The following CNTN5 variants were observed in gnomAD, a reference collection of about 807,000 sequenced individuals.
CNTN5 encodes contactin 5.
A neutral mutation model predicts 129.1 loss-of-function variants in CNTN5; 77 were observed. The ratio of observed to expected loss-of-function variants is 0.60; its 90% CI spans 0.50 to 0.72. The LOEUF is 0.72. Among genes scored for constraint, CNTN5 ranks in the 30% least tolerant of loss-of-function variants. The pLI, the probability that CNTN5 is intolerant of heterozygous loss-of-function variation, is 0.00. For missense variants in CNTN5, 1,478 were observed against 1,328.8 expected, an observed-to-expected ratio of 1.11 and a Z score of -1.75; for synonymous variants, 509 against 465.6, an observed-to-expected ratio of 1.09 and a Z score of -1.20.
intron 2 of CNTN5, among the ~76,000 whole-genome samples, chr11:99,360,337 C>T (rs910405982): frequency 1.3e-5 from 2 of 152,146 alleles, no homozygotes; most frequent in African/African-American, 4.8e-5. Flanking sequence ...AGGAGCAGTT[C>T]TCCCTCTTGA....
chr11:99,348,342 CA>C (rs1292807602), intron 2 of CNTN5, among the ~76,000 whole-genome samples: 1 of 151,976 alleles, frequency 6.6e-6, no homozygotes, highest in Non-Finnish European at 1.5e-5. Context: ...CCGTCCCCCC[CA>C]AAAAAATACA....
intron 1 of CNTN5, among the ~76,000 whole-genome samples, chr11:99,294,931 T>C (rs1864319074): frequency 6.6e-6 from 1 of 152,194 alleles, no homozygotes; most frequent in Admixed American, 6.5e-5. Context: ...CATGAGATTG[T>C]GACCGTAACT....
intron 13 of CNTN5, among the ~76,000 whole-genome samples, chr11:100,110,934 T>C (rs185158505): frequency 2.0e-5 from 3 of 152,144 alleles, no homozygotes; most frequent in East Asian, 1.9e-4. Flanking sequence ...GTGCAGTCCA[T>C]TGAGTATTGA....
intron 3 of CNTN5, among the ~76,000 whole-genome samples, chr11:99,697,049 G>A (rs1304689644): frequency 1.3e-5 from 2 of 151,848 alleles, no homozygotes; most frequent in Non-Finnish European, 2.9e-5. Flanking sequence ...CCAAAGCTGG[G>A]ACAATTTGAG....
At chr11:99,298,613 C>T (rs1254944459) in intron 1 of CNTN5, among the ~76,000 whole-genome samples, 1 of 152,092 alleles carries the variant, frequency 6.6e-6, no homozygotes, top group Non-Finnish European at 1.5e-5. Flanking sequence ...GAATCTGATA[C>T]CAAAGTTGTT....
chr11:99,942,612 A>G (rs1802984026), intron 7 of CNTN5, among the ~76,000 whole-genome samples: 1 of 151,904 alleles, frequency 6.6e-6, no homozygotes, highest in African/African-American at 2.4e-5. Context: ...TGCACCTATA[A>G]CCCATAATCT....
At chr11:99,584,173 A>G (rs1246231629) in intron 3 of CNTN5, among the ~76,000 whole-genome samples, 1 of 152,214 alleles carries the variant, frequency 6.6e-6, no homozygotes, top group Non-Finnish European at 1.5e-5. Context: ...TTAAAATTGA[A>G]TATTTAAATT....
chr11:100,081,237 CAGCATTGGAAATTAAGAATATAT>C (rs1306992396), intron 13 of CNTN5, among the ~76,000 whole-genome samples: 2 of 152,008 alleles, frequency 1.3e-5, no homozygotes, highest in Non-Finnish European at 2.9e-5. Flanking sequence ...ACAGTCATAG[CAGCATTGGAAATTAAGAATATAT>C]AGCATTGGAA....
chr11:99,837,701 AAAAC>A (rs1467358833), intron 4 of CNTN5, among the ~76,000 whole-genome samples: 5 of 151,676 alleles, frequency 3.3e-5, no homozygotes, highest in African/African-American at 1.2e-4. Flanking sequence ...AAAAAAAAAA[AAAAC>A]CTATCAAATA....
chr11:99,336,006 G>A (rs1438362618), intron 2 of CNTN5, among the ~76,000 whole-genome samples: 1 of 151,988 alleles, frequency 6.6e-6, no homozygotes, highest in Non-Finnish European at 1.5e-5. Context: ...GATTCTGTTT[G>A]AGCCTTCTTC....
chr11:99,625,309 A>C (rs1178693817), intron 3 of CNTN5, among the ~76,000 whole-genome samples: 2 of 152,164 alleles, frequency 1.3e-5, no homozygotes, highest in Non-Finnish European at 2.9e-5. Context: ...TGTTACCTCT[A>C]AGTCACTAAG....
At chr11:99,486,022 G>A (rs144328026) in intron 2 of CNTN5, among the ~76,000 whole-genome samples, 1 of 152,044 alleles carries the variant, frequency 6.6e-6, no homozygotes, top group Non-Finnish European at 1.5e-5. Context: ...TCCTGCTGTT[G>A]AATTCTACAA....
chr11:99,216,122 CCTAA>C (rs766342485), intron 1 of CNTN5, among the ~76,000 whole-genome samples: 12 of 152,114 alleles, frequency 7.9e-5, no homozygotes, highest in South Asian at 2.1e-4. Context: ...CTTCATTCTA[CCTAA>C]CTGTTATTTT....
At chr11:99,153,914 A>T (rs1343434198) in intron 1 of CNTN5, among the ~76,000 whole-genome samples, 1 of 142,814 alleles carries the variant, frequency 7.0e-6, no homozygotes, top group Non-Finnish European at 1.5e-5. Context: ...ATTTAAGGGG[A>T]TAAGGCTTAG....
intron 8 of CNTN5, among the ~76,000 whole-genome samples, chr11:99,963,107 T>G (rs1950996055): frequency 6.6e-6 from 1 of 152,220 alleles, no homozygotes; most frequent in African/African-American, 2.4e-5. Context: ...ATTCTGTAGG[T>G]TGCCTGTTCA....
At chr11:100,096,851 G>A (rs891131310) in intron 13 of CNTN5, among the ~76,000 whole-genome samples, 2 of 151,914 alleles carry the variant, frequency 1.3e-5, no homozygotes, top group East Asian at 1.9e-4. Flanking sequence ...TACATCACAT[G>A]TGTATTTAAA....
intron 7 of CNTN5, 39 bp downstream of exon 7, chr11:99,916,188 T>C (rs924601384): frequency 2.7e-6 from 4 of 1,484,292 alleles, no homozygotes; most frequent in Non-Finnish European, 2.8e-6. Flanking sequence ...GCTGCTGCTC[T>C]CTTTTGCTAT....
chr11:99,633,432 T>A (rs533457280), intron 3 of CNTN5, among the ~76,000 whole-genome samples: 1 of 152,332 alleles, frequency 6.6e-6, no homozygotes, highest in South Asian at 2.1e-4. Flanking sequence ...CTACTGAATA[T>A]TAGTCAGAAA....
chr11:100,003,848 G>A (rs141795333), intron 9 of CNTN5: 1 of 152,118 alleles, frequency 6.6e-6, no homozygotes, highest in Non-Finnish European at 1.5e-5. Flanking sequence ...ACTCAAGAAG[G>A]TCTCTGTTTA....
Sources: gnomAD v4.1 joint callset for allele counts (sites outside exome capture counted in the v4.1 genomes callset) on GRCh38, gnomAD v4.1.1 for gene constraint, MANE v1.5 for transcripts, NCBI Gene and HGNC (gene_info 2026-07-23, HGNC 2026-07-21) for gene names.